Variants in UBE2G2 observed in about 807,000 individuals in gnomAD.
The protein encoded by UBE2G2 is ubiquitin-conjugating enzyme E2 G2.
A neutral mutation model predicts 23.0 loss-of-function variants in UBE2G2; 10 were observed. That is an observed-to-expected ratio of 0.43 (90% CI 0.27 to 0.74). UBE2G2 has a LOEUF of 0.74. UBE2G2 is among the 30% of genes least tolerant of loss of function. The pLI, the probability that UBE2G2 is intolerant of heterozygous loss-of-function variation, is 0.19. For missense variants in UBE2G2, 150 were observed against 218.3 expected (o/e 0.69, Z 1.97); for synonymous variants, 86 against 81.3 (o/e 1.06, Z -0.31).
chr21:44,794,602 T>C (rs2083071227), intron 1 of UBE2G2, among the ~76,000 whole-genome samples: 1 of 151,388 alleles, frequency 6.6e-6, no homozygotes. Flanking sequence ...TGGCGTGATC[T>C]CGGCTCACTG....
intron 3 of UBE2G2, among the ~76,000 whole-genome samples, chr21:44,783,055 AT>A (rs2082968752): frequency 6.6e-6 from 1 of 152,244 alleles, no homozygotes; most frequent in African/African-American, 2.4e-5. Flanking sequence ...ATCAAAATAT[AT>A]TTTAAAAACT....
intron 1 of UBE2G2, among the ~76,000 whole-genome samples, chr21:44,792,483 G>A (rs922813816): frequency 1.3e-4 from 20 of 152,124 alleles, no homozygotes; most frequent in African/African-American, 4.8e-4. Flanking sequence ...TAAGTGTGTG[G>A]CAAGTTCTTC....
rs1471738966 is a variant in UBE2G2 at position 44,771,063 on chromosome 21, A to G, written c.*314T>C. On this transcript the variant is annotated 3_prime_UTR_variant, in exon 6 of 6. Coordinates refer to ENST00000345496, the MANE Select transcript of UBE2G2 (RefSeq NM_003343.6). This position sits in a 1 kb window ranked among gnomAD's most constrained non-coding sequence, Gnocchi z 4.6. ...AACCCCCTCAACACTCCAGGGAGGG[A>G]GGGAATCCACAGGAAGCCATGAACT... 2 of 285,798 alleles carry G rather than the reference A, an allele frequency of 7.0e-6. No individual in the cohort carries two copies. Among genetic ancestry groups the G allele is most frequent in the East Asian group, 8.0e-5 (1 of 12,514 alleles). The allele number at this position is 285,798 out of a possible 1,614,324, so 17.7% of individuals were successfully genotyped here.
At chr21:44,801,588 C>G in intron 1 of UBE2G2, 118 bp downstream of exon 1, 1 of 1,327,522 alleles carries the variant, frequency 7.5e-7, no homozygotes, top group Non-Finnish European at 9.8e-7. Context: ...GGGGGGCTCA[C>G]GGTGGAGGCC....
Position 44,773,605 on chromosome 21 carries a change from C to T in UBE2G2, c.327G>A (p.Arg109=). 1 of 1,611,930 alleles carries T rather than the reference C, an allele frequency of 6.2e-7. No homozygotes were observed. Among genetic ancestry groups the T allele is most frequent in the Non-Finnish European group, 8.5e-7 (1 of 1,180,014 alleles). The change falls in exon 5 of 6, where the codon CGG becomes CGA. Residue 109 remains arginine, a synonymous_variant. Transcript: ENST00000345496. ...DPMGYESSAE[R]WSPVQSVEKI... ...TCTCCACACTCTGCACAGGACTCCA[C>T]CGCTCCGCGCTGCTCTCGTAGCCCA...
At chr21:44,798,212 T>TA (rs1555964176) in intron 1 of UBE2G2, among the ~76,000 whole-genome samples, 13 of 152,232 alleles carry the variant, frequency 8.5e-5, no homozygotes, top group Non-Finnish European at 1.6e-4. Context: ...TTTTTATTGC[T>TA]AAAAAATGCT....
chr21:44,780,054 T>C (rs1555961122), intron 3 of UBE2G2, among the ~76,000 whole-genome samples: 1 of 152,232 alleles, frequency 6.6e-6, no homozygotes, highest in Admixed American at 6.5e-5. Context: ...TTGATAACAG[T>C]TCTTTGTTTC....
intron 3 of UBE2G2, among the ~76,000 whole-genome samples, chr21:44,780,416 T>C (rs1555961189): frequency 6.6e-6 from 1 of 152,242 alleles, no homozygotes; most frequent in Non-Finnish European, 1.5e-5. Context: ...TCACCGAAGA[T>C]GGCCTCACCT....
Position 44,788,525 on chromosome 21 carries a change from G to C in UBE2G2, c.44-430C>G, listed in dbSNP as rs565825620. 3.3e-3 allele frequency among the ~76,000 whole-genome samples: 502 copies of C among 152,114 alleles called. 9 individuals carry two copies. The highest frequency in any genetic ancestry group is 0.011 in the African/African-American group (444 of 41,528). On this transcript the variant is annotated intron_variant, in intron 1 of 5. Transcript: ENST00000345496. ...AGGATGGTCTAGATCTCCTGACCTC[G>C]TGATCCGCCAGCCTCGGCCTCCCAA...
rs532792050 is a variant in UBE2G2 at position 44,772,467 on chromosome 21, G to A, written c.386-978C>T. Among the ~76,000 whole-genome samples the A allele has an allele frequency of 2.0e-4, 30 of 150,642 alleles. No individual in the cohort carries two copies. The highest frequency in any genetic ancestry group is 5.6e-4 in the African/African-American group (23 of 40,828). ...TCTGCTGGGTCTGCTCTTTCCTTTCGGACTTGCCGCCTTCCTTTCCCACAC... is the reference window on the plus strand; with the variant it reads ...TCTGCTGGGTCTGCTCTTTCCTTTCAGACTTGCCGCCTTCCTTTCCCACAC... On this transcript the variant is annotated intron_variant, in intron 5 of 5. Transcript: ENST00000345496. This position sits in a 1 kb window ranked among gnomAD's most constrained non-coding sequence, Gnocchi z 5.4.
chr21:44,777,502 T>C (rs1555960737), intron 3 of UBE2G2, 85 bp from the exon 4 acceptor site: 1 of 1,421,396 alleles, frequency 7.0e-7, no homozygotes, highest in East Asian at 2.3e-5. Context: ...AAGAACATTT[T>C]TACCACTTTA....
intron 4 of UBE2G2, chr21:44,774,928 C>T (rs235359): frequency 0.045 from 14,733 of 331,018 alleles, 470 homozygotes; most frequent in African/African-American, 0.086. Context: ...ACACACATCT[C>T]TTTATCTTTA....
chr21:44,775,743 C>A (rs782474333), intron 4 of UBE2G2, among the ~76,000 whole-genome samples: 19 of 152,124 alleles, frequency 1.2e-4, no homozygotes, highest in Admixed American at 3.9e-4. Flanking sequence ...ACCTACAATC[C>A]TCTTCATAGT....
Position 44,772,645 on chromosome 21 carries a change from C to G in UBE2G2, c.385+902G>C, listed in dbSNP as rs1555960068. Among the ~76,000 whole-genome samples the G allele has an allele frequency of 3.9e-5, 6 of 152,084 alleles. No homozygotes were observed. Among genetic ancestry groups the G allele is most frequent in the African/African-American group, 1.4e-4 (6 of 41,388 alleles). ...GATGGAGGCCCCTTGTCCCACACAC[C>G]TCAAACTATTCCCCAAATCCTGCTG... On this transcript the variant is annotated intron_variant, in intron 5 of 5. Coordinates refer to ENST00000345496, the MANE Select transcript of UBE2G2 (RefSeq NM_003343.6). This position sits in a 1 kb window ranked among gnomAD's most constrained non-coding sequence, Gnocchi z 5.4.
chr21:44,790,406 C>T (rs2083033871), intron 1 of UBE2G2, among the ~76,000 whole-genome samples: 1 of 152,148 alleles, frequency 6.6e-6, no homozygotes, highest in African/African-American at 2.4e-5. Flanking sequence ...CGTAATAGCC[C>T]CAAACTGGAA....
chr21:44,769,220 G>GC lies in UBE2G2; in HGVS notation c.*2156dup, dbSNP rs2082852072. The GC allele has an allele frequency of 6.6e-6, 1 of 152,144 alleles. No individual in the cohort carries two copies. The highest frequency in any genetic ancestry group is 2.1e-4 in the South Asian group (1 of 4,828). 9.4% of individuals were successfully genotyped at this position (152,144 alleles called of 1,614,324 possible). A position where few individuals can be genotyped will look rare whatever the true frequency, so the allele number is the denominator to read the frequency against. On this transcript the variant is annotated 3_prime_UTR_variant, in exon 6 of 6. Coordinates refer to ENST00000345496, the MANE Select transcript of UBE2G2 (RefSeq NM_003343.6). ...CACAGAAGCCTCCAGGCAATTGTGT[G>GC]CCCCTCCAGGGCCTGCACCCACAGA...
chr21:44,787,859 T>C (rs372471120), intron 3 of UBE2G2, 61 bp downstream of exon 3: 38 of 1,582,400 alleles, frequency 2.4e-5, no homozygotes, highest in Non-Finnish European at 3.1e-5. Context: ...ACTGCTGATG[T>C]GATTCTTACA....
chr21:44,791,160 A>G (rs1339444945), intron 1 of UBE2G2, among the ~76,000 whole-genome samples: 1 of 152,256 alleles, frequency 6.6e-6, no homozygotes, highest in Non-Finnish European at 1.5e-5. Flanking sequence ...TTTAAAAGAA[A>G]GCAGGGAATA....
chr21:44,774,660 C>T (rs1040090015), intron 4 of UBE2G2: 59 of 454,354 alleles, frequency 1.3e-4, no homozygotes, highest in Admixed American at 1.1e-3. Context: ...GCTCTACTAT[C>T]CAGGAACTGA....
Sources: allele counts gnomAD v4.1 joint callset (sites outside exome capture counted in the v4.1 genomes callset), GRCh38; gene constraint gnomAD v4.1.1; non-coding constraint Gnocchi (gnomAD v3.1); transcripts MANE v1.5; gene names NCBI Gene and HGNC (gene_info 2026-07-23, HGNC 2026-07-21).